The following CACNA1I variants were observed in gnomAD, a reference collection of about 807,000 sequenced individuals.
CACNA1I encodes voltage-dependent T-type calcium channel subunit alpha-1I.
Under a neutral mutation model 201.6 loss-of-function variants are expected in CACNA1I, and 74 were observed. That is an observed-to-expected ratio of 0.37 (90% CI 0.30 to 0.45). The LOEUF (loss-of-function observed/expected upper bound fraction) is 0.45. CACNA1I is among the 20% of genes least tolerant of loss of function. The pLI is 1.00. For missense variants in CACNA1I, 2,346 were observed against 3,138.1 expected, an observed-to-expected ratio of 0.75 and a Z score of 6.03; for synonymous variants, 1,431 against 1,345.2, an observed-to-expected ratio of 1.06 and a Z score of -1.40.
chr22:39,661,915 A>G, intron 16 of CACNA1I, 50 bp from the exon 17 acceptor site: 1 of 1,285,800 alleles, frequency 7.8e-7, no homozygotes, highest in Non-Finnish European at 1.0e-6. Context: ...CTGGTGCCCC[A>G]GCCGTGGGTG....
intron 1 of CACNA1I, among the ~76,000 whole-genome samples, chr22:39,578,286 G>C (rs1341048730): frequency 6.6e-6 from 1 of 152,130 alleles, no homozygotes; most frequent in African/African-American, 2.4e-5. Context: ...TTCTGCTCCA[G>C]ACAGGGCCTC....
chr22:39,679,970 C>T (rs990315875), intron 33 of CACNA1I, 102 bp downstream of exon 33: 10 of 1,231,906 alleles, frequency 8.1e-6, no homozygotes, highest in African/African-American at 6.0e-5. Context: ...CTGTAGAGAC[C>T]AGGCTGGGTC....
intron 7 of CACNA1I, among the ~76,000 whole-genome samples, 179 bp from the exon 8 acceptor site, chr22:39,646,390 C>T (rs1466004360): frequency 6.6e-6 from 1 of 151,882 alleles, no homozygotes; most frequent in African/African-American, 2.4e-5. Context: ...GGTCCCTGCC[C>T]CTCCTCCTTG....
At chr22:39,576,321 G>A (rs55633132) in intron 1 of CACNA1I, among the ~76,000 whole-genome samples, 398 of 152,354 alleles carry the variant, frequency 2.6e-3, no homozygotes, top group African/African-American at 9.2e-3. Context: ...AACCACCCGT[G>A]GGGATAGGGG....
Position 39,583,158 on chromosome 22 carries a change from AT to A in CACNA1I, c.236+12171del, listed in dbSNP as rs1569046826. ...TCTCCATCCATCCATCCAGCCATCC[AT>A]GCATGCATCCATCTCTCCATCCATC... On this transcript the variant is annotated intron_variant, in intron 1 of 36. Coordinates refer to ENST00000402142, the MANE Select transcript of CACNA1I (RefSeq NM_021096.4). Among the ~76,000 whole-genome samples, 5 of 150,876 alleles carry A rather than the reference AT, an allele frequency of 3.3e-5. No individual in the cohort carries two copies. The East Asian group carries it at 1.0e-3, about 30-fold the overall frequency.
At chr22:39,650,332 A>T (rs1004434462) in intron 10 of CACNA1I, among the ~76,000 whole-genome samples, 1 of 151,790 alleles carries the variant, frequency 6.6e-6, no homozygotes, top group African/African-American at 2.4e-5. Context: ...TTTAAAAAAC[A>T]GATAGAGTCA....
intron 4 of CACNA1I, among the ~76,000 whole-genome samples, chr22:39,631,212 C>T (rs1934052651): frequency 6.6e-6 from 1 of 152,182 alleles, no homozygotes; most frequent in Non-Finnish European, 1.5e-5. Context: ...CAAGCTTTGC[C>T]TCAAGGCCAC....
At position 39,672,210 on chromosome 22, in the gene CACNA1I, A is replaced by C. The variant is rs1935395651; in HGVS notation, c.4551A>C (p.Thr1517=). 1 of 1,611,670 alleles carries C rather than the reference A, an allele frequency of 6.2e-7. No individual in the cohort carries two copies. The highest frequency in any genetic ancestry group is 1.3e-5 in the African/African-American group (1 of 74,880). The part of the protein sequence containing the change: ...EHYNQPTSLE[T]ALKYCNYMFT... ...TTGTTCCTCCATAGTCCCTGGAGACAGCCCTCAAGTACTGCAACTATATGT... is the reference window on the plus strand; with the variant it reads ...TTGTTCCTCCATAGTCCCTGGAGACCGCCCTCAAGTACTGCAACTATATGT... The change falls in exon 27 of 37, where the codon ACA becomes ACC. Residue 1517 remains threonine (T), a synonymous_variant. Coordinates refer to ENST00000402142, the MANE Select transcript of CACNA1I (RefSeq NM_021096.4).
chr22:39,604,902 C>T (rs1933166734), intron 3 of CACNA1I, among the ~76,000 whole-genome samples: 1 of 152,056 alleles, frequency 6.6e-6, no homozygotes, highest in African/African-American at 2.4e-5. Flanking sequence ...GTCATGAGCA[C>T]TCTCACTGCC....
chr22:39,664,858 C>A lies in CACNA1I; in HGVS notation c.3786C>A (p.Ala1262=), dbSNP rs1224450230. ...ACATCGTGGTGTCCCTGGCCTCAGCCGGGGGAGCCAAGATCTTGGGGGTCC... is the reference window on the plus strand; with the variant it reads ...ACATCGTGGTGTCCCTGGCCTCAGCAGGGGGAGCCAAGATCTTGGGGGTCC... ...IIDIVVSLAS[A]GGAKILGVLR... is the part of the protein sequence containing the mutation. The change falls in exon 21 of 37, where the codon GCC becomes GCA. Residue 1262 remains alanine (A), a synonymous_variant. Coordinates refer to ENST00000402142, the MANE Select transcript of CACNA1I (RefSeq NM_021096.4). 1 of 1,612,986 alleles carries A rather than the reference C, an allele frequency of 6.2e-7. No individual in the cohort carries two copies. Among genetic ancestry groups the A allele is most frequent in the South Asian group, 1.1e-5 (1 of 91,084 alleles).
intron 35 of CACNA1I, among the ~76,000 whole-genome samples, chr22:39,683,671 AG>A (rs1935766496): frequency 6.6e-6 from 1 of 152,132 alleles, no homozygotes; most frequent in African/African-American, 2.4e-5. Context: ...CAAGGTGTGG[AG>A]GGGACTGTGG....
At position 39,682,667 on chromosome 22, in the gene CACNA1I, G is replaced by A. The variant is rs548326328; in HGVS notation, c.5830+6G>A. 17 of 1,609,582 alleles carry A rather than the reference G, an allele frequency of 1.1e-5. No individual in the cohort carries two copies. The African/African-American group carries it at 1.1e-4, about 10-fold the overall frequency. On this transcript the variant is annotated splice_donor_region_variant and intron_variant, in intron 35 of 36. Coordinates refer to ENST00000402142, the MANE Select transcript of CACNA1I (RefSeq NM_021096.4). Reference sequence around the variant, plus strand: ...GAAACATGACAGCAGTCAAGGTGAGGGGTGGGAGCCCTGCCAGCTCCCCAC... The same window carrying A: ...GAAACATGACAGCAGTCAAGGTGAGAGGTGGGAGCCCTGCCAGCTCCCCAC...
At chr22:39,588,364 G>A (rs200893171) in intron 1 of CACNA1I, among the ~76,000 whole-genome samples, 161 of 117,430 alleles carry the variant, frequency 1.4e-3, no homozygotes, top group African/African-American at 4.6e-3. Flanking sequence ...AGTTCAAGGC[G>A]TTTTCTTTCT....
chr22:39,663,101 C>T (rs1935079173), intron 18 of CACNA1I, among the ~76,000 whole-genome samples: 1 of 152,210 alleles, frequency 6.6e-6, no homozygotes, highest in African/African-American at 2.4e-5. Flanking sequence ...GGAAGAGTCT[C>T]AGCCTTGGCT....
intron 26 of CACNA1I, among the ~76,000 whole-genome samples, chr22:39,671,508 A>G (rs1056480521): frequency 6.6e-6 from 1 of 152,184 alleles, no homozygotes; most frequent in African/African-American, 2.4e-5. Context: ...ATTTCAGGCA[A>G]ACACTGGGGG....
intron 6 of CACNA1I, 92 bp downstream of exon 6, chr22:39,641,274 C>A: frequency 9.1e-7 from 1 of 1,094,200 alleles, no homozygotes; most frequent in Non-Finnish European, 1.3e-6. Flanking sequence ...TGCCAGCCCT[C>A]ATCTCACTGA....
chr22:39,657,811 G>A (rs574914869), intron 10 of CACNA1I, among the ~76,000 whole-genome samples: 4 of 152,236 alleles, frequency 2.6e-5, no homozygotes, highest in East Asian at 1.9e-4. Context: ...CATCTTAGCC[G>A]TGTGACCTCA....
chr22:39,598,010 G>A (rs1341658148), intron 1 of CACNA1I, 141 bp from the exon 2 acceptor site: 2 of 640,020 alleles, frequency 3.1e-6, no homozygotes, highest in Non-Finnish European at 5.7e-6. Context: ...AGCTGTTTCA[G>A]GGATGGCACC....
intron 1 of CACNA1I, among the ~76,000 whole-genome samples, chr22:39,592,150 C>A (rs1045250399): frequency 6.6e-6 from 1 of 152,176 alleles, no homozygotes; most frequent in Non-Finnish European, 1.5e-5. Flanking sequence ...ATTTTCTCCC[C>A]GAGGCCTGTG....
Sources: gnomAD v4.1 joint callset for allele counts (sites outside exome capture counted in the v4.1 genomes callset) on GRCh38, gnomAD v4.1.1 for gene constraint, MANE v1.5 for transcripts, NCBI Gene and HGNC (gene_info 2026-07-23, HGNC 2026-07-21) for gene names.